Variants in SGSM2 observed in about 807,000 individuals in gnomAD.
SGSM2 encodes the protein small G protein signaling modulator 2, also known as RUN and TBC1 domain containing 1.
A neutral mutation model predicts 126.6 loss-of-function variants in SGSM2; 89 were observed. The observed-to-expected ratio is 0.70, with a 90% CI of 0.59 to 0.84. The LOEUF is 0.84. Among genes scored for constraint, SGSM2 ranks in the 40% least tolerant of loss-of-function variants. The pLI is 0.00. For synonymous variants in SGSM2, 614 were observed against 574.3 expected, an observed-to-expected ratio of 1.07 and a Z score of -0.99; for missense variants, 1,404 against 1,416.6, an observed-to-expected ratio of 0.99 and a Z score of 0.14.
intron 2 of SGSM2, among the ~76,000 whole-genome samples, chr17:2,350,596 C>T (rs1253528473): frequency 5.3e-5 from 8 of 151,672 alleles, no homozygotes; most frequent in South Asian, 2.1e-4. Flanking sequence ...CCAGCCTGGG[C>T]GACAGAGTGA....
At position 2,365,320 on chromosome 17, in the gene SGSM2, C is replaced by A; in HGVS notation, c.1267C>A (p.Pro423Thr). 1 of 1,571,122 alleles carries A rather than the reference C, an allele frequency of 6.4e-7. No individual in the cohort carries two copies. Among genetic ancestry groups the A allele is most frequent in the Non-Finnish European group, 8.6e-7 (1 of 1,157,364 alleles). ...CGACTATGTGTTCCGGATCATCTAC[C>A]CCGGCCACAGGCACGAGCACAGTGA... is the stretch of plus-strand genomic sequence containing the variant. ...ATDYVFRIIY[P>T]GHRHEHITIN... is the part of the protein sequence containing the mutation. Residue 423 changes from proline (P) to threonine (T), a missense_variant, in exon 11 of 24, where the codon CCC (proline) becomes ACC (threonine). Coordinates refer to ENST00000268989, the MANE Select transcript of SGSM2 (RefSeq NM_014853.3).
At chr17:2,378,969 T>C (rs1456839286) in intron 22 of SGSM2, 67 bp from the exon 23 acceptor site, 3 of 1,533,776 alleles carry the variant, frequency 2.0e-6, no homozygotes, top group Admixed American at 1.9e-5. Flanking sequence ...AGCCTCAGCC[T>C]CAATCCCAGC....
intron 2 of SGSM2, among the ~76,000 whole-genome samples, chr17:2,349,444 A>G (rs1412552495): frequency 1.3e-5 from 2 of 152,090 alleles, no homozygotes; most frequent in African/African-American, 4.8e-5. Context: ...TCCATCTGGG[A>G]ATCTGTGTTT....
chr17:2,342,517 G>A (rs2064417809), intron 1 of SGSM2, among the ~76,000 whole-genome samples: 2 of 152,298 alleles, frequency 1.3e-5, no homozygotes, highest in South Asian at 4.1e-4. Flanking sequence ...GTGACTAGAA[G>A]GGAAGGTGAT....
Position 2,372,293 on chromosome 17 carries a change from C to T in SGSM2, c.1642+39C>T, listed in dbSNP as rs200394049. On this transcript the variant is annotated intron_variant, in intron 14 of 23. Coordinates refer to ENST00000268989, the MANE Select transcript of SGSM2 (RefSeq NM_014853.3). This position sits in a 1 kb window ranked among gnomAD's most constrained non-coding sequence, Gnocchi z 6.0. Reference sequence around the variant, plus strand: ...GCGCCGGGCTGTGGCGGGCTGGGGGCGGGCGGCCCTGGGTCCCAGCCTCCT... The same window carrying T: ...GCGCCGGGCTGTGGCGGGCTGGGGGTGGGCGGCCCTGGGTCCCAGCCTCCT... 6.9e-5 allele frequency: 111 copies of T among 1,610,854 alleles called. No homozygotes were observed. The East Asian group carries it at 1.9e-3, about 27-fold the overall frequency.
At position 2,377,716 on chromosome 17, in the gene SGSM2, C is replaced by A. The variant is rs1255256035; in HGVS notation, c.2803-141C>A. On this transcript the variant is annotated intron_variant, in intron 21 of 23. Transcript: ENST00000268989. ...GGAGATCCGAGGGGGAGAGAGTGCA[C>A]CGCGCAGCACAGGGCAACAGACAGA... 3 of 595,864 alleles carry A rather than the reference C, an allele frequency of 5.0e-6. No individual in the cohort carries two copies. In the East Asian group the frequency reaches 8.6e-5, roughly 17 times the overall value. 36.9% of individuals were successfully genotyped at this position (595,864 alleles called of 1,614,324 possible).
Position 2,367,490 on chromosome 17 carries a change from G to T in SGSM2, c.1423+85G>T. The T allele has an allele frequency of 6.9e-7, 1 of 1,450,118 alleles. No homozygotes were observed. Among genetic ancestry groups the T allele is most frequent in the Non-Finnish European group, 9.4e-7 (1 of 1,066,258 alleles). 89.8% of individuals were successfully genotyped at this position (1,450,118 alleles called of 1,614,324 possible). ...TGCCACCCACCACAGGGGTTCGAAC[G>T]GCAGTGTTGGCATTAGGGGACTTGC... On this transcript the variant is annotated intron_variant, in intron 12 of 23. Coordinates refer to ENST00000268989, the MANE Select transcript of SGSM2 (RefSeq NM_014853.3). This position sits in a 1 kb window ranked among gnomAD's most constrained non-coding sequence, Gnocchi z 4.0.
chr17:2,352,697 G>A (rs1002415884), intron 2 of SGSM2, among the ~76,000 whole-genome samples: 9 of 151,880 alleles, frequency 5.9e-5, no homozygotes, highest in Admixed American at 2.0e-4. Context: ...GAATGCAGGT[G>A]CAGAGACCCA....
chr17:2,364,466 G>A, intron 8 of SGSM2, 130 bp from the exon 9 acceptor site: 1 of 1,005,320 alleles, frequency 9.9e-7, no homozygotes, highest in South Asian at 1.4e-5. Flanking sequence ...ATGGCTGGCT[G>A]TGTGCACCTC....
chr17:2,377,085 C>T lies in SGSM2; in HGVS notation c.2802+17C>T. On this transcript the variant is annotated intron_variant, in intron 21 of 23. Coordinates refer to ENST00000268989, the MANE Select transcript of SGSM2 (RefSeq NM_014853.3). The stretch of plus-strand genomic sequence containing the variant: ...CTCATCCAGGTGAGGCCGGTTGCCA[C>T]CCATGGGCATGGGAGCAGGCAGTGC... 6.4e-7 allele frequency: 1 copy of T among 1,566,768 alleles called. No individual in the cohort carries two copies. Among genetic ancestry groups the T allele is most frequent in the Non-Finnish European group, 8.8e-7 (1 of 1,140,892 alleles).
chr17:2,375,246 A>G (rs1238396700), intron 17 of SGSM2: 8 of 438,732 alleles, frequency 1.8e-5, no homozygotes, highest in Non-Finnish European at 2.4e-5. Context: ...CCACAGGAAG[A>G]CCTGGGGCTG....
chr17:2,337,727 G>T lies in SGSM2; in HGVS notation c.39G>T (p.Leu13=). Residue 13 remains leucine (L), a synonymous_variant, in exon 1 of 24, where the codon CTG becomes CTT. Transcript: ENST00000268989. This position sits in a 1 kb window ranked among gnomAD's most constrained non-coding sequence, Gnocchi z 5.1. ...AGGACGCAGTCAAAGAGAAACTGCT[G>T]TGGAACGTGAAGAAGGAGGTAAAGT... is the stretch of plus-strand genomic sequence containing the variant. ...SAEDAVKEKL[L]WNVKKEVKQI... The T allele has an allele frequency of 6.5e-7, 1 of 1,546,492 alleles. No homozygotes were observed. Among genetic ancestry groups the T allele is most frequent in the Admixed American group, 1.9e-5 (1 of 53,688 alleles).
Position 2,362,650 on chromosome 17 carries a change from C to T in SGSM2, c.459-188C>T, listed in dbSNP as rs35861686. 0.15 allele frequency among the ~76,000 whole-genome samples: 22,509 copies of T among 151,992 alleles called. 2,728 individuals carry two copies. Among genetic ancestry groups the T allele is most frequent in the African/African-American group, 0.32 (13,225 of 41,314 alleles). On this transcript the variant is annotated intron_variant, in intron 4 of 23. Transcript: ENST00000268989. The surrounding 1 kb of genome is among the most constrained non-coding windows in gnomAD (Gnocchi z 4.9). ...GCCTGTAGGCAACCCTCCATCTCCC[C>T]GTCCCCTTCGGTGCCCTCAAGGCAT...
chr17:2,380,071 C>T lies in SGSM2; in HGVS notation c.*551C>T. On this transcript the variant is annotated 3_prime_UTR_variant, in exon 24 of 24. Coordinates refer to ENST00000268989, the MANE Select transcript of SGSM2 (RefSeq NM_014853.3). ...CCCGGGCACGGGAGACCCGGGCCGC[C>T]TTCAGGCCGCTCCCCCGAGATTCTG... The T allele has an allele frequency of 7.1e-7, 1 of 1,411,052 alleles. No homozygotes were observed. The highest frequency in any genetic ancestry group is 9.2e-7 in the Non-Finnish European group (1 of 1,086,942). 87.4% of individuals were successfully genotyped at this position (1,411,052 alleles called of 1,614,324 possible).
chr17:2,361,113 C>T (rs1162101072), intron 2 of SGSM2, among the ~76,000 whole-genome samples: 1 of 152,230 alleles, frequency 6.6e-6, no homozygotes, highest in Non-Finnish European at 1.5e-5. Flanking sequence ...GAGGGAAGCC[C>T]TCCTAGCATG....
intron 21 of SGSM2, 125 bp downstream of exon 21, chr17:2,377,193 G>A (rs760603041): frequency 3.0e-6 from 2 of 669,748 alleles, no homozygotes; most frequent in Non-Finnish European, 5.0e-6. Flanking sequence ...CATTTTAAAA[G>A]ACATGGTTTC....
chr17:2,361,526 C>G, intron 2 of SGSM2, 111 bp from the exon 3 acceptor site: 2 of 1,352,020 alleles, frequency 1.5e-6, no homozygotes, highest in South Asian at 2.5e-5. Context: ...CCCTGGCCTG[C>G]CCTTGGCTTG....
At chr17:2,358,874 T>TTTTTG (rs1555598692) in intron 2 of SGSM2, among the ~76,000 whole-genome samples, 140 of 53,746 alleles carry the variant, frequency 2.6e-3, no homozygotes, top group African/African-American at 6.1e-3. Context: ...GTTGTTGTTG[T>TTTTTG]TTTTTTTTTT....
At chr17:2,349,822 C>G (rs561859785) in intron 2 of SGSM2, among the ~76,000 whole-genome samples, 1 of 149,200 alleles carries the variant, frequency 6.7e-6, no homozygotes, top group East Asian at 2.0e-4. Flanking sequence ...GAGTCTCCCT[C>G]TGTCGCCCAG....
Sources: allele counts gnomAD v4.1 joint callset (sites outside exome capture counted in the v4.1 genomes callset), GRCh38; gene constraint gnomAD v4.1.1; non-coding constraint Gnocchi (gnomAD v3.1); transcripts MANE v1.5; gene names NCBI Gene and HGNC (gene_info 2026-07-23, HGNC 2026-07-21).